Variants in C12orf76 observed in about 807,000 individuals in gnomAD.
C12orf76 encodes chromosome 12 open reading frame 76.
A neutral mutation model predicts 6.8 loss-of-function variants in C12orf76; 6 were observed. The ratio of observed to expected loss-of-function variants is 0.88; its 90% CI spans 0.48 to 1.73. C12orf76 has a LOEUF of 1.73. C12orf76 is among the 40% of genes most tolerant of loss of function. The pLI is 0.01. For synonymous variants in C12orf76, 56 were observed against 43.7 expected (o/e 1.28, Z -1.11); for missense variants, 99 against 98.2 (o/e 1.01, Z -0.03).
intron 3 of C12orf76, among the ~76,000 whole-genome samples, chr12:110,058,755 A>G (rs1399732459): frequency 1.3e-5 from 2 of 152,224 alleles, no homozygotes; most frequent in African/African-American, 4.8e-5. Context: ...TCAAGCTAAG[A>G]GGTACATTGT....
Sources: allele counts gnomAD v4.1 joint callset (sites outside exome capture counted in the v4.1 genomes callset), GRCh38; gene constraint gnomAD v4.1.1; transcripts MANE v1.5; gene names NCBI Gene and HGNC (gene_info 2026-07-23, HGNC 2026-07-21).